The following NKAIN2 variants were observed in gnomAD, a reference collection of about 807,000 sequenced individuals.
NKAIN2 encodes sodium/potassium-transporting ATPase subunit beta-1-interacting protein 2.
A neutral mutation model predicts 32.6 loss-of-function variants in NKAIN2; 14 were observed. The ratio of observed to expected loss-of-function variants is 0.43; its 90% CI spans 0.28 to 0.67. The LOEUF (loss-of-function observed/expected upper bound fraction) is 0.67. NKAIN2 is among the 30% of genes least tolerant of loss of function. NKAIN2 has a pLI of 0.17. For synonymous variants in NKAIN2, 80 were observed against 87.2 expected, an observed-to-expected ratio of 0.92 and a Z score of 0.46; for missense variants, 198 against 258.3, an observed-to-expected ratio of 0.77 and a Z score of 1.60.
intron 1 of NKAIN2, among the ~76,000 whole-genome samples, chr6:123,845,105 T>C (rs1197825145): frequency 6.6e-6 from 1 of 152,242 alleles, no homozygotes; most frequent in Non-Finnish European, 1.5e-5. Context: ...CAAATAGATG[T>C]TGAAGTGCAA....
At chr6:124,404,039 CCTT>C (rs1283708732) in intron 3 of NKAIN2, among the ~76,000 whole-genome samples, 20 of 152,050 alleles carry the variant, frequency 1.3e-4, no homozygotes, top group Admixed American at 3.3e-4. Context: ...TTCTTGTCTG[CCTT>C]CTTTTATAAC....
At chr6:124,789,201 A>G (rs1779635436) in intron 4 of NKAIN2, among the ~76,000 whole-genome samples, 1 of 152,100 alleles carries the variant, frequency 6.6e-6, no homozygotes, top group South Asian at 2.1e-4. Context: ...CTTATTGGCC[A>G]TGAATCTCAG....
intron 1 of NKAIN2, among the ~76,000 whole-genome samples, chr6:123,804,733 A>G (rs1773143598): frequency 6.6e-6 from 1 of 152,004 alleles, no homozygotes; most frequent in South Asian, 2.1e-4. Context: ...TAATGCTCTA[A>G]AAAAACCACT....
chr6:124,374,211 G>A (rs1799886898), intron 3 of NKAIN2, among the ~76,000 whole-genome samples: 1 of 151,992 alleles, frequency 6.6e-6, no homozygotes, highest in Non-Finnish European at 1.5e-5. Context: ...AGATTTGGTG[G>A]TAAGGCAGTT....
chr6:124,027,722 A>AAC (rs1419784975), intron 1 of NKAIN2, among the ~76,000 whole-genome samples: 5 of 151,782 alleles, frequency 3.3e-5, no homozygotes, highest in Non-Finnish European at 7.4e-5. Context: ...GTTCCAAATT[A>AAC]AATAGTTCTT....
chr6:124,804,147 C>T (rs1354443246), intron 5 of NKAIN2, among the ~76,000 whole-genome samples: 1 of 152,154 alleles, frequency 6.6e-6, no homozygotes, highest in Non-Finnish European at 1.5e-5. Flanking sequence ...GATTCTACAA[C>T]AATGTATCAA....
At chr6:124,612,754 T>C (rs1782740118) in intron 3 of NKAIN2, among the ~76,000 whole-genome samples, 1 of 152,128 alleles carries the variant, frequency 6.6e-6, no homozygotes, top group Non-Finnish European at 1.5e-5. Flanking sequence ...AAAGATATAA[T>C]CACAATACCC....
intron 4 of NKAIN2, among the ~76,000 whole-genome samples, chr6:124,668,393 TAA>T (rs1204523076): frequency 6.6e-6 from 1 of 152,148 alleles, no homozygotes; most frequent in Admixed American, 6.6e-5. Flanking sequence ...CTCTACCTCT[TAA>T]GTTTGATTAG....
chr6:124,215,414 T>C (rs139066753), intron 1 of NKAIN2, among the ~76,000 whole-genome samples: 3 of 152,176 alleles, frequency 2.0e-5, no homozygotes, highest in African/African-American at 7.2e-5. Flanking sequence ...CTCTCCAATA[T>C]GATGGGCCCA....
intron 1 of NKAIN2, among the ~76,000 whole-genome samples, chr6:123,959,161 C>G (rs976057835): frequency 7.9e-5 from 12 of 152,186 alleles, no homozygotes; most frequent in African/African-American, 2.4e-4. Flanking sequence ...CAGGTGTCTA[C>G]TTGGTAGAAG....
chr6:124,261,350 C>A (rs1794239753), intron 1 of NKAIN2, among the ~76,000 whole-genome samples: 1 of 152,152 alleles, frequency 6.6e-6, no homozygotes, highest in African/African-American at 2.4e-5. Context: ...TTTGCCAAAT[C>A]TCTAAGTTTA....
intron 3 of NKAIN2, among the ~76,000 whole-genome samples, chr6:124,460,272 G>A (rs1366820734): frequency 6.6e-6 from 1 of 151,346 alleles, no homozygotes. Context: ...TCCTATATTT[G>A]TCCTTTCCTT....
At chr6:124,503,501 C>T (rs1778370329) in intron 3 of NKAIN2, among the ~76,000 whole-genome samples, 1 of 152,044 alleles carries the variant, frequency 6.6e-6, no homozygotes, top group African/African-American at 2.4e-5. Context: ...CAAGACCTTT[C>T]ACAAAACAAA....
At chr6:123,812,050 G>T (rs1460971442) in intron 1 of NKAIN2, among the ~76,000 whole-genome samples, 4 of 148,938 alleles carry the variant, frequency 2.7e-5, no homozygotes, top group African/African-American at 7.5e-5. Flanking sequence ...GCCCCCCACC[G>T]CCCCCACCCT....
At chr6:124,392,850 C>T (rs1041265741) in intron 3 of NKAIN2, among the ~76,000 whole-genome samples, 2 of 152,052 alleles carry the variant, frequency 1.3e-5, no homozygotes, top group African/African-American at 4.8e-5. Context: ...TGATCAATCA[C>T]CTACTTGGGA....
At chr6:124,347,911 C>T (rs1176700869) in intron 2 of NKAIN2, among the ~76,000 whole-genome samples, 3 of 152,172 alleles carry the variant, frequency 2.0e-5, no homozygotes, top group African/African-American at 7.2e-5. Flanking sequence ...GAGAGGCGCT[C>T]TGCTTTTTAG....
intron 1 of NKAIN2, among the ~76,000 whole-genome samples, chr6:124,143,249 T>C (rs77625152): frequency 0.013 from 2,038 of 152,246 alleles, 45 homozygotes; most frequent in African/African-American, 0.046. Context: ...CTTGAAGCCA[T>C]GAGAATGAGA....
chr6:123,891,842 T>C lies in NKAIN2; in HGVS notation c.54+87588T>C, dbSNP rs533069279. Among the ~76,000 whole-genome samples the C allele has an allele frequency of 4.6e-5, 7 of 152,308 alleles. No homozygotes were observed. The East Asian group carries it at 1.4e-3, about 29-fold the overall frequency. ...TACTTTTTTTGAAAGAAATAAAGAA[T>C]AGATACTAAAATAGAGATGAAAATA... On this transcript the variant is annotated intron_variant, in intron 1 of 6. Transcript: ENST00000368417.
chr6:124,278,005 ATAT>A (rs1179912211), intron 1 of NKAIN2, among the ~76,000 whole-genome samples: 2 of 151,006 alleles, frequency 1.3e-5, no homozygotes, highest in South Asian at 2.1e-4. Context: ...CATAAAAATA[ATAT>A]TATAGTAATA....
Sources: gnomAD v4.1 joint callset for allele counts (sites outside exome capture counted in the v4.1 genomes callset) on GRCh38, gnomAD v4.1.1 for gene constraint, MANE v1.5 for transcripts, NCBI Gene and HGNC (gene_info 2026-07-23, HGNC 2026-07-21) for gene names.